VPS13D: variants seen among roughly 807,000 people sequenced by gnomAD.
The protein encoded by VPS13D is intermembrane lipid transfer protein VPS13D.
A neutral mutation model predicts 461.9 loss-of-function variants in VPS13D; 187 were observed. The ratio of observed to expected loss-of-function variants is 0.40; its 90% confidence interval spans 0.36 to 0.46. VPS13D has a LOEUF of 0.46. Ranked by LOEUF, VPS13D falls within the 20% of genes least tolerant of loss-of-function variation. VPS13D has a pLI of 0.60. For synonymous variants in VPS13D, 1,951 were observed against 1,986.3 expected, an observed-to-expected ratio of 0.98 and a Z score of 0.47; for missense variants, 4,711 against 5,364.9, an observed-to-expected ratio of 0.88 and a Z score of 3.81.
chr1:12,343,154 AT>A, intron 42 of VPS13D, 103 bp downstream of exon 42: 1 of 941,928 alleles, frequency 1.1e-6, no homozygotes, highest in Non-Finnish European at 1.4e-6. Flanking sequence ...ATTTTATTTT[AT>A]TTTATTTTAT....
intron 63 of VPS13D, among the ~76,000 whole-genome samples, chr1:12,404,688 A>T (rs1644627984): frequency 6.6e-6 from 1 of 152,176 alleles, no homozygotes; most frequent in South Asian, 2.1e-4. Flanking sequence ...CCCATAGAAC[A>T]TAAGGAACCA....
intron 38 of VPS13D, among the ~76,000 whole-genome samples, chr1:12,333,859 A>G (rs975647026): frequency 6.6e-6 from 1 of 152,252 alleles, no homozygotes; most frequent in African/African-American, 2.4e-5. Context: ...ATCTTTGGCA[A>G]CACTGAAATG....
At chr1:12,501,632 T>C (rs1471488097) in intron 68 of VPS13D, among the ~76,000 whole-genome samples, 1 of 152,252 alleles carries the variant, frequency 6.6e-6, no homozygotes, top group East Asian at 1.9e-4. Context: ...GACTAACGCA[T>C]ACATTTATTG....
chr1:12,341,712 A>G, intron 40 of VPS13D, 68 bp from the exon 41 acceptor site: 1 of 1,446,650 alleles, frequency 6.9e-7, no homozygotes, highest in Non-Finnish European at 9.6e-7. Flanking sequence ...CACTGTCTCC[A>G]GGTTGGGGGA....
intron 6 of VPS13D, 111 bp downstream of exon 6, chr1:12,249,450 C>G: frequency 2.5e-6 from 2 of 808,896 alleles, no homozygotes; most frequent in Non-Finnish European, 3.8e-6. Flanking sequence ...TTTTCCATTG[C>G]CTTCTGTGAT....
chr1:12,457,629 C>T (rs1645347404), intron 66 of VPS13D, among the ~76,000 whole-genome samples: 1 of 152,158 alleles, frequency 6.6e-6, no homozygotes, highest in Non-Finnish European at 1.5e-5. Flanking sequence ...TAATTATCTG[C>T]ATTTGGAAGA....
In VPS13D at chr1:12,382,982, G is replaced by A; in HGVS notation, c.11197G>A (p.Gly3733Arg). Residue 3733 changes from glycine (G) to arginine (R), a missense_variant, in exon 58 of 70, where the codon GGA (glycine) becomes AGA (arginine). By Grantham distance (125) the Gly-to-Arg change is moderately radical. This residue lies in a region of VPS13D where 4,411 missense variants were observed against 4,937.8 expected (regional missense o/e 0.89). Transcript: ENST00000620676. ...CTACTCCAATGTCTTTTAGGCCAAA[G>A]GAGGACTTTCTGGTTTGTTTGATGG... ...GLHGLVVQAK[G>R]GLSGLFDGAE... is the part of the protein sequence containing the mutation. 1 of 1,613,396 alleles carries A rather than the reference G, an allele frequency of 6.2e-7. No individual in the cohort carries two copies. Among genetic ancestry groups the A allele is most frequent in the Non-Finnish European group, 8.5e-7 (1 of 1,179,780 alleles).
At chr1:12,323,837 C>T in intron 35 of VPS13D, 57 bp downstream of exon 35, 5 of 1,554,432 alleles carry the variant, frequency 3.2e-6, no homozygotes, top group African/African-American at 1.4e-5. Context: ...GCTTCCTTCC[C>T]ATTTCCTCTC....
intron 67 of VPS13D, among the ~76,000 whole-genome samples, chr1:12,471,740 T>G (rs1645565824): frequency 6.6e-6 from 1 of 152,212 alleles, no homozygotes; most frequent in Non-Finnish European, 1.5e-5. Flanking sequence ...CCCAGGTCAC[T>G]TTGATGATGT....
chr1:12,455,776 A>G (rs981907783), intron 65 of VPS13D, among the ~76,000 whole-genome samples: 4 of 152,124 alleles, frequency 2.6e-5, no homozygotes, highest in Non-Finnish European at 5.9e-5. Context: ...AAAATTAGCC[A>G]GGTGTGGTGG....
At position 12,456,087 on chromosome 1, in the gene VPS13D, A is replaced by T; in HGVS notation, c.12423A>T (p.Thr4141=). 2 of 1,613,978 alleles carry T rather than the reference A, an allele frequency of 1.2e-6. No homozygotes were observed. Among genetic ancestry groups the T allele is most frequent in the East Asian group, 2.2e-5 (1 of 44,868 alleles). Residue 4141 remains threonine, a synonymous_variant, in exon 66 of 70, where the codon ACA becomes ACT. Coordinates refer to ENST00000620676, the MANE Select transcript of VPS13D (RefSeq NM_015378.4). ...EREYIRYHAA[T]SGEHLVAGIH... Reference sequence around the variant, plus strand: ...AGTACATCAGGTACCATGCAGCCACAAGTGGTGAACACCTTGTAGCCGGCA... The same window carrying T: ...AGTACATCAGGTACCATGCAGCCACTAGTGGTGAACACCTTGTAGCCGGCA...
In VPS13D at chr1:12,400,319, A is replaced by G; in HGVS notation, c.11773A>G (p.Asn3925Asp). The G allele has an allele frequency of 1.9e-6, 3 of 1,614,098 alleles. No individual in the cohort carries two copies. Among genetic ancestry groups the G allele is most frequent in the Non-Finnish European group, 2.5e-6 (3 of 1,180,004 alleles). The change falls in exon 61 of 70, where the codon AAC becomes GAC. Residue 3925 changes from asparagine to aspartate, a missense_variant. Coordinates refer to ENST00000620676, the MANE Select transcript of VPS13D (RefSeq NM_015378.4). ...GTTCCCCAGTAAGAGTGCACTGACC[A>G]ACATCTACAAGGTGGGCTGGTGGAG... ...VKFPSKSALT[N>D]IYKHLMITAQ...
Position 12,356,518 on chromosome 1 carries a change from C to A in VPS13D, c.9992C>A (p.Pro3331Gln). The A allele has an allele frequency of 6.2e-7, 1 of 1,612,800 alleles. No homozygotes were observed. Among genetic ancestry groups the A allele is most frequent in the Non-Finnish European group, 8.5e-7 (1 of 1,179,678 alleles). ...TTCTGCTATGCTGACAAAGAGCAGCCAAACCTGTGAGTACAGTTATTTATG... is the reference window on the plus strand; with the variant it reads ...TTCTGCTATGCTGACAAAGAGCAGCAAAACCTGTGAGTACAGTTATTTATG... ...LLFCYADKEQ[P>Q]NLCTMRIGRG... The change falls in exon 49 of 70, where the codon CCA becomes CAA. Residue 3331 changes from proline (P) to glutamine (Q), a missense_variant. This residue lies in a region of VPS13D where 4,411 missense variants were observed against 4,937.8 expected (regional missense o/e 0.89). Coordinates refer to ENST00000620676, the MANE Select transcript of VPS13D (RefSeq NM_015378.4).
intron 3 of VPS13D, 129 bp downstream of exon 3, chr1:12,242,719 GC>G: frequency 1.3e-6 from 1 of 797,102 alleles, no homozygotes; most frequent in Non-Finnish European, 2.0e-6. Flanking sequence ...TAGAGTTTAG[GC>G]CAGTCTTAAA....
chr1:12,260,124 C>T (rs1641060974), intron 10 of VPS13D, among the ~76,000 whole-genome samples: 1 of 143,760 alleles, frequency 7.0e-6, no homozygotes, highest in Non-Finnish European at 1.5e-5. Context: ...CTCCTGGGTT[C>T]ACACCATTCT....
intron 63 of VPS13D, among the ~76,000 whole-genome samples, chr1:12,411,176 G>A (rs1056752951): frequency 2.6e-5 from 4 of 152,104 alleles, no homozygotes; most frequent in Non-Finnish European, 4.4e-5. Flanking sequence ...TAAAAAGTTC[G>A]TTATTTGTAG....
chr1:12,263,201 G>A (rs1015135601), intron 13 of VPS13D, among the ~76,000 whole-genome samples: 2 of 152,082 alleles, frequency 1.3e-5, no homozygotes, highest in Non-Finnish European at 2.9e-5. Context: ...ACTAGGCAGC[G>A]TTTTAGCACT....
intron 65 of VPS13D, among the ~76,000 whole-genome samples, chr1:12,432,680 C>CT (rs144897450): frequency 0.014 from 2,194 of 151,398 alleles, 12 homozygotes; most frequent in Non-Finnish European, 0.022. Context: ...ACTGCAACCT[C>CT]TGCTTCTTGG....
At chr1:12,364,453 C>T (rs1434529683) in intron 52 of VPS13D, among the ~76,000 whole-genome samples, 1 of 152,164 alleles carries the variant, frequency 6.6e-6, no homozygotes, top group East Asian at 1.9e-4. Flanking sequence ...AACATAGGTT[C>T]GCATATGGGT....
Sources: gnomAD v4.1 joint callset for allele counts (sites outside exome capture counted in the v4.1 genomes callset) on GRCh38, gnomAD v4.1.1 for gene constraint, gnomAD v4.1.1 regional missense constraint, MANE v1.5 for transcripts, NCBI Gene and HGNC (gene_info 2026-07-23, HGNC 2026-07-21) for gene names.